Variants in CEP290 observed in about 807,000 individuals in gnomAD.
CEP290 encodes the protein centrosomal protein 290, also known as centrosomal protein of 290 kDa.
Under a neutral mutation model 344.9 loss-of-function variants are expected in CEP290, and 317 were observed. The observed-to-expected ratio is 0.92, with a 90% CI of 0.84 to 1.01. The LOEUF is 1.01. CEP290 is among the 50% of genes least tolerant of loss of function. The probability of loss-of-function intolerance (pLI) is 0.00; values close to 1 mark genes in which losing one functional copy is unlikely to be tolerated. For missense variants in CEP290, 2,754 were observed against 2,761.4 expected, an observed-to-expected ratio of 1.00 and a Z score of 0.06; for synonymous variants, 932 against 895.8, an observed-to-expected ratio of 1.04 and a Z score of -0.72.
At chr12:88,132,540 T>TA (rs2040136368) in intron 6 of CEP290, among the ~76,000 whole-genome samples, 1 of 152,200 alleles carries the variant, frequency 6.6e-6, no homozygotes, top group African/African-American at 2.4e-5. Flanking sequence ...CAAGCTGAAA[T>TA]ATTTAAGTGC....
intron 53 of CEP290, 47 bp downstream of exon 53, chr12:88,050,307 C>T (rs111716338): frequency 9.9e-6 from 9 of 906,930 alleles, no homozygotes; most frequent in African/African-American, 8.4e-5. Flanking sequence ...AAATAGTTTT[C>T]AACAGCTGTT....
In CEP290 at chr12:88,118,748, AAT is replaced by A; in HGVS notation, c.1523-7_1523-6del. 2 of 1,583,126 alleles carry A rather than the reference AAT, an allele frequency of 1.3e-6. No individual in the cohort carries two copies. Among genetic ancestry groups the A allele is most frequent in the Non-Finnish European group, 1.7e-6 (2 of 1,161,476 alleles). ...TCATTGTCTTTGGTTCAAGGCCTAC[AAT>A]AGAAAGCAATATAATTAAAAACTTA... is the stretch of plus-strand genomic sequence containing the variant. On this transcript the variant is annotated splice_polypyrimidine_tract_variant and splice_region_variant and intron_variant, in intron 15 of 53. Transcript: ENST00000552810.
chr12:88,082,562 C>T (rs2036273111), intron 37 of CEP290, among the ~76,000 whole-genome samples: 1 of 152,064 alleles, frequency 6.6e-6, no homozygotes. Context: ...GGTGTGGTGG[C>T]ACCTGCCTGT....
At chr12:88,115,715 G>C (rs1345626875) in intron 18 of CEP290, 1 of 1,038,202 alleles carries the variant, frequency 9.6e-7, no homozygotes, top group Non-Finnish European at 1.2e-6. Context: ...AACTTTGTTA[G>C]AGACGTCATA....
intron 50 of CEP290, 146 bp from the exon 51 acceptor site, chr12:88,054,559 C>A: frequency 1.6e-6 from 1 of 628,462 alleles, no homozygotes; most frequent in Non-Finnish European, 2.8e-6. Flanking sequence ...ATTCACCATT[C>A]ATTCAACAAG....
At chr12:88,126,780 A>C (rs901413155) in intron 11 of CEP290, among the ~76,000 whole-genome samples, 1 of 152,104 alleles carries the variant, frequency 6.6e-6, no homozygotes, top group Non-Finnish European at 1.5e-5. Flanking sequence ...GTATGCATTA[A>C]AATGCAACCA....
chr12:88,116,773 G>A (rs2039065093), intron 18 of CEP290, among the ~76,000 whole-genome samples: 1 of 151,926 alleles, frequency 6.6e-6, no homozygotes, highest in Non-Finnish European at 1.5e-5. Context: ...AGAAGATCGA[G>A]ACCATCCCGG....
intron 5 of CEP290, among the ~76,000 whole-genome samples, chr12:88,138,401 G>C (rs1367568778): frequency 6.6e-6 from 1 of 152,058 alleles, no homozygotes; most frequent in Non-Finnish European, 1.5e-5. Flanking sequence ...CCAGGAGCTG[G>C]ATATACAATC....
At position 88,079,142 on chromosome 12, in the gene CEP290, C is replaced by A; in HGVS notation, c.5314G>T (p.Ala1772Ser). 6.3e-7 allele frequency: 1 copy of A among 1,597,990 alleles called. No individual in the cohort carries two copies. Among genetic ancestry groups the A allele is most frequent in the Non-Finnish European group, 8.5e-7 (1 of 1,173,560 alleles). The change falls in exon 39 of 54, where the codon GCC (alanine) becomes TCC (serine). Residue 1772 changes from alanine to serine, a missense_variant. Physicochemically the swap from Ala to Ser is moderately conservative, Grantham distance 99. Coordinates refer to ENST00000552810, the MANE Select transcript of CEP290 (RefSeq NM_025114.4). ...ACGATTTGTTGAACATTGAGATGGGCCTCTTTTTGAGAAGTTGCAGAAATA... is the reference window on the plus strand; with the variant it reads ...ACGATTTGTTGAACATTGAGATGGGACTCTTTTTGAGAAGTTGCAGAAATA... The part of the protein sequence containing the change: ...RIISATSQKE[A>S]HLNVQQIVDR...
In CEP290 at chr12:88,116,298, A is replaced by C. The variant is rs550373691; in HGVS notation, c.1824+735T>G. Reference sequence around the variant, plus strand: ...AGACTGCAGACATGGTGCTTTAAAAATCTCTCTTATTGTAATAGTTTCTGG... The same window carrying C: ...AGACTGCAGACATGGTGCTTTAAAACTCTCTCTTATTGTAATAGTTTCTGG... On this transcript the variant is annotated intron_variant, in intron 18 of 53. Coordinates refer to ENST00000552810, the MANE Select transcript of CEP290 (RefSeq NM_025114.4). 2.0e-5 allele frequency among the ~76,000 whole-genome samples: 3 copies of C among 152,172 alleles called. No homozygotes were observed. The East Asian group carries it at 5.8e-4, about 29-fold the overall frequency.
intron 25 of CEP290, among the ~76,000 whole-genome samples, chr12:88,105,363 G>A (rs1159442581): frequency 9.2e-5 from 14 of 152,124 alleles, no homozygotes; most frequent in Non-Finnish European, 1.9e-4. Flanking sequence ...AAGAGAAAGC[G>A]GAGGGGACAA....
intron 49 of CEP290, among the ~76,000 whole-genome samples, chr12:88,057,239 AG>A (rs2136678991): frequency 6.6e-6 from 1 of 152,332 alleles, no homozygotes; most frequent in South Asian, 2.1e-4. Flanking sequence ...TTAAGATCAT[AG>A]TAAGAATTAG....
At chr12:88,066,459 C>A (rs1187718791) in intron 44 of CEP290, among the ~76,000 whole-genome samples, 2 of 141,156 alleles carry the variant, frequency 1.4e-5, no homozygotes, top group Non-Finnish European at 3.0e-5. Context: ...ACAATCACAC[C>A]CAGCTAATTG....
At chr12:88,096,666 G>A (rs1284966662) in intron 27 of CEP290, among the ~76,000 whole-genome samples, 1 of 152,030 alleles carries the variant, frequency 6.6e-6, no homozygotes, top group Non-Finnish European at 1.5e-5. Flanking sequence ...TAACATATAT[G>A]ATTTCATTAG....
At chr12:88,141,386 G>A in intron 1 of CEP290, 52 bp from the exon 2 acceptor site, 5 of 882,260 alleles carry the variant, frequency 5.7e-6, no homozygotes, top group Admixed American at 3.0e-5. Flanking sequence ...AGTATTATTG[G>A]TTTTCTAGCA....
At chr12:88,081,045 T>C (rs1239462332) in intron 37 of CEP290, among the ~76,000 whole-genome samples, 2 of 152,216 alleles carry the variant, frequency 1.3e-5, no homozygotes, top group African/African-American at 2.4e-5. Context: ...CTCTATATGA[T>C]AGTTTCCTAA....
rs547843877 is a variant in CEP290, at chr12:88,109,217, A to C, written c.2368-36T>G. On this transcript the variant is annotated intron_variant, in intron 22 of 53. Transcript: ENST00000552810. ...GTTTAGAAATAAGAATGCAAAAAAAAACACAATAGAATAAATGCTGAATTT... is the reference window on the plus strand; with the variant it reads ...GTTTAGAAATAAGAATGCAAAAAAACACACAATAGAATAAATGCTGAATTT... 209 of 678,912 alleles carry C rather than the reference A, an allele frequency of 3.1e-4. No homozygotes were observed. In the African/African-American group the frequency reaches 3.6e-3, roughly 12 times the overall value. 42.1% of individuals were successfully genotyped at this position (678,912 alleles called of 1,614,324 possible). A position where few individuals can be genotyped will look rare whatever the true frequency, so the allele number is the denominator to read the frequency against.
intron 25 of CEP290, chr12:88,103,931 T>C (rs1209800994): frequency 6.6e-6 from 1 of 152,022 alleles, no homozygotes; most frequent in Non-Finnish European, 1.5e-5. Context: ...CTATTTCCCA[T>C]CTCTTAAGAA....
In CEP290 at chr12:88,090,836, C is replaced by T. The variant is rs150138016; in HGVS notation, c.3465G>A (p.Leu1155=). The change falls in exon 30 of 54, where the codon CTG becomes CTA. Residue 1155 remains leucine (L), a synonymous_variant. Coordinates refer to ENST00000552810, the MANE Select transcript of CEP290 (RefSeq NM_025114.4). ...EMELKVEVSK[L]REISDIARRQ... ...TTCTGGCAATATCAGAAATCTCTCT[C>T]AGTCTAGGAAATGATAAGGTATTTC... 2,174 of 1,539,792 alleles carry T rather than the reference C, an allele frequency of 1.4e-3. 34 individuals carry two copies. In the African/African-American group the frequency reaches 0.027, roughly 19 times the overall value.
Sources: gnomAD v4.1 joint callset for allele counts (sites outside exome capture counted in the v4.1 genomes callset) on GRCh38, gnomAD v4.1.1 for gene constraint, MANE v1.5 for transcripts, NCBI Gene and HGNC (gene_info 2026-07-23, HGNC 2026-07-21) for gene names.